Variants in FOCAD observed in about 807,000 individuals in gnomAD.
The protein encoded by FOCAD is focadhesin.
A neutral mutation model predicts 225.6 loss-of-function variants in FOCAD; 198 were observed. That is an observed-to-expected ratio of 0.88 (90% CI 0.78 to 0.99). The LOEUF (loss-of-function observed/expected upper bound fraction) is 0.99. FOCAD is among the 50% of genes least tolerant of loss of function. The pLI is 0.00. For missense variants in FOCAD, 2,713 were observed against 2,123.6 expected, an observed-to-expected ratio of 1.28 and a Z score of -5.46; for synonymous variants, 897 against 755.0, an observed-to-expected ratio of 1.19 and a Z score of -3.08.
chr9:20,948,586 A>G (rs536786223), intron 31 of FOCAD, among the ~76,000 whole-genome samples, 193 bp downstream of exon 31: 6 of 152,292 alleles, frequency 3.9e-5, no homozygotes, highest in Non-Finnish European at 7.4e-5. Context: ...ATTTTTTTGA[A>G]CTGGCTATTT....
At chr9:20,880,444 C>T (rs944508635) in intron 19 of FOCAD, among the ~76,000 whole-genome samples, 12 of 152,200 alleles carry the variant, frequency 7.9e-5, no homozygotes, top group Admixed American at 3.3e-4. Context: ...ACTGTTTTCA[C>T]CCTTTGATGT....
chr9:20,664,350 G>C (rs1214448329), intron 2 of FOCAD, among the ~76,000 whole-genome samples: 1 of 149,978 alleles, frequency 6.7e-6, no homozygotes, highest in East Asian at 1.9e-4. Context: ...GAGGTAAAAA[G>C]TAATAGTTCA....
chr9:20,685,208 T>TG (rs966853992), intron 1 of FOCAD, among the ~76,000 whole-genome samples: 28 of 151,578 alleles, frequency 1.8e-4, no homozygotes, highest in African/African-American at 4.6e-4. Flanking sequence ...TTTTTTTTTT[T>TG]TTGTTATTTT....
intron 1 of FOCAD, among the ~76,000 whole-genome samples, chr9:20,688,247 A>G (rs1822779267): frequency 6.6e-6 from 1 of 152,210 alleles, no homozygotes; most frequent in South Asian, 2.1e-4. Flanking sequence ...TAAGGCAGAC[A>G]TTTGCATTAC....
chr9:20,924,711 G>T (rs1834778679), intron 25 of FOCAD, among the ~76,000 whole-genome samples: 1 of 152,228 alleles, frequency 6.6e-6, no homozygotes, highest in Admixed American at 6.5e-5. Flanking sequence ...AACCAAAAAG[G>T]AACAGGAAGT....
chr9:20,728,027 A>C (rs1389297227), intron 4 of FOCAD, among the ~76,000 whole-genome samples: 2 of 152,264 alleles, frequency 1.3e-5, no homozygotes, highest in African/African-American at 4.8e-5. Flanking sequence ...CCCAAAGGGA[A>C]TCTGATACAT....
At chr9:20,796,236 C>A (rs969452810) in intron 11 of FOCAD, among the ~76,000 whole-genome samples, 7 of 152,142 alleles carry the variant, frequency 4.6e-5, no homozygotes, top group African/African-American at 1.7e-4. Flanking sequence ...TGGGTTGGTT[C>A]CAAGTCTTTG....
intron 15 of FOCAD, among the ~76,000 whole-genome samples, chr9:20,851,654 C>A (rs1394277569): frequency 6.6e-6 from 1 of 151,908 alleles, no homozygotes; most frequent in Admixed American, 6.6e-5. Flanking sequence ...TCAGGCTCTA[C>A]TCTAGACCTA....
rs768868683 is a variant in FOCAD, at chr9:20,990,118, C to T, written c.5005-5C>T. ...GACCTAACGTCATTTCTATTTTCAT[C>T]GTAGGCTTTGGACTTCTTCTTGCTG... is the stretch of plus-strand genomic sequence containing the variant. On this transcript the variant is annotated splice_polypyrimidine_tract_variant and splice_region_variant and intron_variant, in intron 41 of 43. Coordinates refer to ENST00000338382, the MANE Select transcript of FOCAD (RefSeq NM_001375567.1). 29 of 1,613,704 alleles carry T rather than the reference C, an allele frequency of 1.8e-5. No homozygotes were observed. Among genetic ancestry groups the T allele is most frequent in the African/African-American group, 1.2e-4 (9 of 74,900 alleles).
At chr9:20,724,492 T>C (rs1476089632) in intron 4 of FOCAD, among the ~76,000 whole-genome samples, 2 of 152,178 alleles carry the variant, frequency 1.3e-5, no homozygotes, top group Admixed American at 6.5e-5. Context: ...ATGTTCATAT[T>C]GTCTAAATTG....
chr9:20,910,690 A>G (rs936604341), intron 22 of FOCAD, among the ~76,000 whole-genome samples: 1 of 152,054 alleles, frequency 6.6e-6, no homozygotes, highest in African/African-American at 2.4e-5. Flanking sequence ...TGTTTTCCCA[A>G]AAATGTTAAT....
chr9:20,870,009 C>G (rs932298543), intron 18 of FOCAD, among the ~76,000 whole-genome samples: 4 of 151,834 alleles, frequency 2.6e-5, no homozygotes, highest in African/African-American at 7.3e-5. Flanking sequence ...TTTAGCACAC[C>G]TCCCCAAAAG....
chr9:20,908,707 C>G (rs938053071), intron 22 of FOCAD, among the ~76,000 whole-genome samples: 11 of 152,072 alleles, frequency 7.2e-5, no homozygotes, highest in African/African-American at 2.7e-4. Context: ...GAATGAATGA[C>G]TCATGTCTCT....
intron 19 of FOCAD, among the ~76,000 whole-genome samples, chr9:20,878,471 T>G (rs919782038): frequency 2.6e-5 from 4 of 152,220 alleles, no homozygotes; most frequent in Admixed American, 2.6e-4. Context: ...CAATAATAAT[T>G]AACTTTCGAA....
chr9:20,717,889 T>A (rs1825465421), intron 3 of FOCAD, 21 bp downstream of exon 3: 1 of 1,586,074 alleles, frequency 6.3e-7, no homozygotes, highest in Non-Finnish European at 8.6e-7. Flanking sequence ...AACTTTATGC[T>A]TTAATTCTCT....
At chr9:20,825,065 T>G (rs1824731011) in intron 15 of FOCAD, among the ~76,000 whole-genome samples, 1 of 152,022 alleles carries the variant, frequency 6.6e-6, no homozygotes, top group South Asian at 2.1e-4. Flanking sequence ...TTTAAATAAG[T>G]AGATGTAATC....
At chr9:20,859,812 A>G (rs139092482) in intron 15 of FOCAD, among the ~76,000 whole-genome samples, 1 of 151,092 alleles carries the variant, frequency 6.6e-6, no homozygotes, top group Non-Finnish European at 1.5e-5. Context: ...GACACCAAAG[A>G]GCACATGTTA....
intron 39 of FOCAD, among the ~76,000 whole-genome samples, chr9:20,985,132 C>A (rs964080956): frequency 2.0e-5 from 3 of 152,176 alleles, no homozygotes; most frequent in African/African-American, 7.2e-5. Context: ...AGGTTAGTTG[C>A]ACTGTAGAAT....
intron 2 of FOCAD, among the ~76,000 whole-genome samples, chr9:20,673,808 G>A (rs1333182465): frequency 6.6e-6 from 1 of 152,190 alleles, no homozygotes; most frequent in Non-Finnish European, 1.5e-5. Flanking sequence ...CTGAGCTCAA[G>A]CGATCTGCCC....
Sources: gnomAD v4.1 joint callset for allele counts (sites outside exome capture counted in the v4.1 genomes callset) on GRCh38, gnomAD v4.1.1 for gene constraint, MANE v1.5 for transcripts, NCBI Gene and HGNC (gene_info 2026-07-23, HGNC 2026-07-21) for gene names.